FRMD7: variants seen among roughly 807,000 people sequenced by gnomAD.
FRMD7 encodes FERM domain-containing protein 7.
In FRMD7, 14 loss-of-function variants were observed where a neutral mutation model predicts 44.1. That is an observed-to-expected ratio of 0.32 (90% CI 0.21 to 0.50). The LOEUF is 0.50. Ranked by LOEUF, FRMD7 falls within the 20% of genes least tolerant of loss-of-function variation. FRMD7 has a pLI of 0.99. For synonymous variants in FRMD7, 212 were observed against 187.4 expected, an observed-to-expected ratio of 1.13 and a Z score of -1.07; for missense variants, 501 against 522.3, an observed-to-expected ratio of 0.96 and a Z score of 0.40.
chrX:132,092,580 G>C (rs1928210278), intron 5 of FRMD7, among the ~76,000 whole-genome samples: 2 of 111,955 alleles, frequency 1.8e-5, no homozygotes, highest in African/African-American at 6.5e-5. Flanking sequence ...TCTACTGACA[G>C]ACAATATCCT....
intron 1 of FRMD7, among the ~76,000 whole-genome samples, chrX:132,127,394 G>A (rs990887545): frequency 8.9e-6 from 1 of 111,943 alleles, no homozygotes; most frequent in African/African-American, 3.2e-5. Context: ...AAGGAGGATA[G>A]CTTCCCCCAC....
rs185392025 is a variant in FRMD7 at position 132,102,049 on chromosome X, C to T, written c.58-1333G>A. ...GGGAAATGTAGTTGGAAATCACCGA[C>T]CCATAGAATTAACAGCAACCTTGAG... On this transcript the variant is annotated intron_variant, in intron 1 of 11. Transcript: ENST00000298542. Among the ~76,000 whole-genome samples, 6 of 111,263 alleles carry T rather than the reference C, an allele frequency of 5.4e-5. No homozygotes were observed. The East Asian group carries it at 1.7e-3, about 32-fold the overall frequency.
intron 4 of FRMD7, among the ~76,000 whole-genome samples, chrX:132,095,152 T>C (rs1257982909): frequency 9.2e-6 from 1 of 108,639 alleles, no homozygotes; most frequent in Non-Finnish European, 1.9e-5. Context: ...TAGAGTGCAG[T>C]GGTGCAGTCT....
chrX:132,096,716 CAAAAAAAA>C (rs34250894), intron 4 of FRMD7, among the ~76,000 whole-genome samples: 3 of 55,589 alleles, frequency 5.4e-5, no homozygotes, highest in Non-Finnish European at 6.8e-5. Flanking sequence ...GACCCTGTCT[CAAAAAAAA>C]AAAAAAAAAA....
chrX:132,117,879 T>C (rs1928940227), intron 1 of FRMD7, among the ~76,000 whole-genome samples: 1 of 112,555 alleles, frequency 8.9e-6, no homozygotes. Context: ...TATCTTTACA[T>C]AAAATTTTAT....
At chrX:132,088,585 G>GA (rs1168224329) in intron 5 of FRMD7, among the ~76,000 whole-genome samples, 4 of 107,336 alleles carry the variant, frequency 3.7e-5, no homozygotes, top group Non-Finnish European at 7.7e-5. Flanking sequence ...AAAAAGGAAA[G>GA]AAAAAAAATC....
At chrX:132,092,309 G>A (rs755249651) in intron 5 of FRMD7, among the ~76,000 whole-genome samples, 7 of 111,837 alleles carry the variant, frequency 6.3e-5, no homozygotes, top group Non-Finnish European at 1.1e-4. Context: ...GTTCTTGAAC[G>A]CTTAAAATAT....
intron 5 of FRMD7, among the ~76,000 whole-genome samples, chrX:132,090,340 G>A (rs1198603641): frequency 9.0e-6 from 1 of 111,649 alleles, no homozygotes; most frequent in Non-Finnish European, 1.9e-5. Flanking sequence ...AAAAAAAAAA[G>A]TGGTAAATCC....
At chrX:132,126,559 T>C (rs1929161279) in intron 1 of FRMD7, among the ~76,000 whole-genome samples, 1 of 111,628 alleles carries the variant, frequency 9.0e-6, no homozygotes, top group Non-Finnish European at 1.9e-5. Context: ...TCTCTTTGAG[T>C]TCCTTGAAAT....
chrX:132,118,570 T>C (rs1928960940), intron 1 of FRMD7, among the ~76,000 whole-genome samples: 1 of 111,609 alleles, frequency 9.0e-6, no homozygotes, highest in African/African-American at 3.3e-5. Context: ...AGTGCGCATG[T>C]GGGCATGCTC....
At chrX:132,086,724 A>T (rs1404422574) in intron 5 of FRMD7, among the ~76,000 whole-genome samples, 1 of 111,512 alleles carries the variant, frequency 9.0e-6, no homozygotes, top group Non-Finnish European at 1.9e-5. Flanking sequence ...ATTGTGGAAC[A>T]TACATTTCTG....
intron 5 of FRMD7, among the ~76,000 whole-genome samples, chrX:132,092,283 A>G (rs1301626113): frequency 2.7e-5 from 3 of 112,308 alleles, no homozygotes; most frequent in Non-Finnish European, 5.6e-5. Flanking sequence ...GGAGACGAGA[A>G]GGTTGGAATG....
intron 10 of FRMD7, 50 bp from the exon 11 acceptor site, chrX:132,080,131 C>T: frequency 1.8e-6 from 2 of 1,111,611 alleles, no homozygotes; most frequent in African/African-American, 1.8e-5. Flanking sequence ...ATGTGAATAC[C>T]AGGATACATA....
chrX:132,090,465 C>T (rs1434396559), intron 5 of FRMD7, among the ~76,000 whole-genome samples: 4 of 111,331 alleles, frequency 3.6e-5, no homozygotes, highest in African/African-American at 1.3e-4. Flanking sequence ...GCAAAATACC[C>T]CATATTTTAT....
chrX:132,097,196 T>C, intron 4 of FRMD7, 70 bp downstream of exon 4: 1 of 796,586 alleles, frequency 1.3e-6, no homozygotes, highest in Non-Finnish European at 1.9e-6. Flanking sequence ...CAGAAGCACT[T>C]GCCCCCAATA....
At chrX:132,092,623 G>A (rs1168573152) in intron 5 of FRMD7, among the ~76,000 whole-genome samples, 1 of 111,975 alleles carries the variant, frequency 8.9e-6, no homozygotes, top group African/African-American at 3.3e-5. Context: ...TGCTATGCCT[G>A]AAACGGCCAC....
intron 1 of FRMD7, among the ~76,000 whole-genome samples, chrX:132,104,882 A>G (rs1275089723): frequency 8.9e-6 from 1 of 112,158 alleles, no homozygotes; most frequent in Non-Finnish European, 1.9e-5. Context: ...TATTATTATA[A>G]TTACACCATT....
chrX:132,125,797 A>G (rs1045330115), intron 1 of FRMD7, among the ~76,000 whole-genome samples: 2 of 111,727 alleles, frequency 1.8e-5, no homozygotes, highest in Admixed American at 9.5e-5. Flanking sequence ...ACTGAAGGCT[A>G]CTGACAGATG....
At chrX:132,108,694 A>T (rs757400895) in intron 1 of FRMD7, among the ~76,000 whole-genome samples, 1 of 111,366 alleles carries the variant, frequency 9.0e-6, no homozygotes, top group South Asian at 3.8e-4. Context: ...CCCAAATCTC[A>T]TCTTGAATTA....
Sources: allele counts gnomAD v4.1 joint callset (sites outside exome capture counted in the v4.1 genomes callset), GRCh38; gene constraint gnomAD v4.1.1; transcripts MANE v1.5; gene names NCBI Gene and HGNC (gene_info 2026-07-23, HGNC 2026-07-21).